Variants in ACOT9 observed in about 807,000 individuals in gnomAD.
ACOT9 encodes acyl-CoA thioesterase 9, also known as acyl-coenzyme A thioesterase 9, mitochondrial.
In ACOT9, 34 loss-of-function variants were observed where a neutral mutation model predicts 39.7. That is an observed-to-expected ratio of 0.86 (90% confidence interval 0.65 to 1.14). ACOT9 has a LOEUF of 1.14. ACOT9 is among the 50% of genes most tolerant of loss of function. The pLI is 0.00. For synonymous variants in ACOT9, 110 were observed against 120.5 expected (o/e 0.91, Z 0.57); for missense variants, 313 against 344.1 (o/e 0.91, Z 0.71).
chrX:23,704,077 G>T (rs1410545589), intron 15 of ACOT9, 95 bp from the exon 16 acceptor site: 47 of 701,138 alleles, frequency 6.7e-5, no homozygotes, highest in Non-Finnish European at 9.9e-5. Flanking sequence ...GGAACACTGG[G>T]ACAGAACAAG....
chrX:23,723,331 G>A (rs185935335), intron 6 of ACOT9, among the ~76,000 whole-genome samples: 213 of 111,308 alleles, frequency 1.9e-3, no homozygotes, highest in African/African-American at 6.2e-3. Flanking sequence ...ATAATTATAC[G>A]TTGGGCCGGG....
intron 9 of ACOT9, among the ~76,000 whole-genome samples, chrX:23,709,053 A>C (rs1928805124): frequency 1.8e-5 from 2 of 112,220 alleles, no homozygotes; most frequent in South Asian, 7.3e-4. Context: ...ATAATATTTC[A>C]CTGTGGTAGA....
intron 8 of ACOT9, among the ~76,000 whole-genome samples, chrX:23,720,055 G>C (rs112302225): frequency 3.6e-4 from 40 of 112,104 alleles, no homozygotes; most frequent in South Asian, 1.5e-3. Flanking sequence ...GGATGGTCTC[G>C]ATCTCCTGAC....
chrX:23,721,735 C>A, intron 8 of ACOT9, 146 bp downstream of exon 8: 1 of 403,840 alleles, frequency 2.5e-6, no homozygotes, highest in Non-Finnish European at 4.2e-6. Context: ...AATAACCCAC[C>A]ATCCATATGA....
intron 8 of ACOT9, 31 bp from the exon 9 acceptor site, chrX:23,713,239 T>C: frequency 9.0e-7 from 1 of 1,116,617 alleles, no homozygotes; most frequent in Non-Finnish European, 1.2e-6. Flanking sequence ...AATGTACATA[T>C]GAGAAATGGA....
rs376686410 is a variant in ACOT9, at chrX:23,705,787, A to G, written c.914T>C (p.Leu305Ser). Residue 305 changes from leucine (L) to serine (S), a missense_variant, in exon 12 of 16, where the codon TTG (leucine) becomes TCG (serine). Coordinates refer to ENST00000379303, the MANE Select transcript of ACOT9 (RefSeq NM_001037171.2). The stretch of plus-strand genomic sequence containing the variant: ...TAATACCTGAGGGTGGCAAATTTCC[A>G]AACTCTTCAGTTTTGAATTCTCCAT... The part of the protein sequence containing the change: ...VWMENSKLKS[L>S]EICHPQERNI... The G allele has an allele frequency of 4.1e-6, 5 of 1,209,446 alleles. No individual in the cohort carries two copies. The highest frequency in any genetic ancestry group is 5.6e-6 in the Non-Finnish European group (5 of 894,409).
At position 23,713,125 on chromosome X, in the gene ACOT9, T is replaced by C. The variant is rs1347041694; in HGVS notation, c.662+10A>G. The C allele has an allele frequency of 1.7e-6, 2 of 1,188,587 alleles. No homozygotes were observed. The highest frequency in any genetic ancestry group is 2.3e-6 in the Non-Finnish European group (2 of 878,782). On this transcript the variant is annotated intron_variant, in intron 9 of 15. Coordinates refer to ENST00000379303, the MANE Select transcript of ACOT9 (RefSeq NM_001037171.2). Reference sequence around the variant, plus strand: ...TTCAAAATAAAGAATTATGAAAAAATAGCAATTACCCTTTATTTTCAGAAT... The same window carrying C: ...TTCAAAATAAAGAATTATGAAAAAACAGCAATTACCCTTTATTTTCAGAAT...
At position 23,735,913 on chromosome X, in the gene ACOT9, G is replaced by A. The variant is rs1218452329; in HGVS notation, c.118+6C>T. 8.3e-7 allele frequency: 1 copy of A among 1,206,065 alleles called. No individual in the cohort carries two copies. Among genetic ancestry groups the A allele is most frequent in the Admixed American group, 2.2e-5 (1 of 45,589 alleles). On this transcript the variant is annotated splice_donor_region_variant and intron_variant, in intron 2 of 15. Coordinates refer to ENST00000379303, the MANE Select transcript of ACOT9 (RefSeq NM_001037171.2). Reference sequence around the variant, plus strand: ...CATAGGCATCAAACAGAGACACCATGCTTGCCTTCATGAATGTGGAAGATT... The same window carrying A: ...CATAGGCATCAAACAGAGACACCATACTTGCCTTCATGAATGTGGAAGATT...
chrX:23,703,788 G>A lies in ACOT9; in HGVS notation c.*106C>T. Reference sequence around the variant, plus strand: ...TAAAGGCTGAATACATCCTCCTCCTGTGTGGAGGACACGAAGCAATACTAA... The same window carrying A: ...TAAAGGCTGAATACATCCTCCTCCTATGTGGAGGACACGAAGCAATACTAA... On this transcript the variant is annotated 3_prime_UTR_variant, in exon 16 of 16. Transcript: ENST00000379303. 1 of 607,741 alleles carries A rather than the reference G, an allele frequency of 1.6e-6. No individual in the cohort carries two copies. Among genetic ancestry groups the A allele is most frequent in the Non-Finnish European group, 2.7e-6 (1 of 374,060 alleles). The allele number at this position is 607,741 out of a possible 1,213,427, so 50.1% of individuals were successfully genotyped here. A position where few individuals can be genotyped will look rare whatever the true frequency, so the allele number is the denominator to read the frequency against.
At chrX:23,735,869 A>C in intron 2 of ACOT9, 50 bp downstream of exon 2, 1 of 1,106,407 alleles carries the variant, frequency 9.0e-7, no homozygotes. Flanking sequence ...AAATAAAAGT[A>C]AAACAAGGTT....
chrX:23,732,498 G>A lies in ACOT9; in HGVS notation c.191+674C>T, dbSNP rs1172292522. On this transcript the variant is annotated intron_variant, in intron 4 of 15. Coordinates refer to ENST00000379303, the MANE Select transcript of ACOT9 (RefSeq NM_001037171.2). ...TAATAAGTATGGAATCCAGGTGGTG[G>A]GTACACAGGTATTCATTCTTTCTAC... is the stretch of plus-strand genomic sequence containing the variant. Among the ~76,000 whole-genome samples, 3 of 111,402 alleles carry A rather than the reference G, an allele frequency of 2.7e-5. No individual in the cohort carries two copies. In the East Asian group the frequency reaches 8.4e-4, roughly 31 times the overall value.
At chrX:23,724,829 C>T (rs762725473) in intron 6 of ACOT9, among the ~76,000 whole-genome samples, 88 of 111,446 alleles carry the variant, frequency 7.9e-4, no homozygotes, top group African/African-American at 2.7e-3. Flanking sequence ...CCCAGCTACT[C>T]AGGAGGCTGA....
intron 3 of ACOT9, among the ~76,000 whole-genome samples, chrX:23,733,738 C>A (rs975364897): frequency 1.0e-5 from 1 of 95,322 alleles, no homozygotes; most frequent in African/African-American, 4.7e-5. Flanking sequence ...TGCCACCACA[C>A]CCGGCTAATT....
In ACOT9 at chrX:23,723,345, G is replaced by A. The variant is rs561289628; in HGVS notation, c.401-592C>T. On this transcript the variant is annotated intron_variant, in intron 6 of 15. Coordinates refer to ENST00000379303, the MANE Select transcript of ACOT9 (RefSeq NM_001037171.2). ...TATAATTATACGTTGGGCCGGGCGC[G>A]GCGGCTCAGCCTGTAATCCCAGCAC... Among the ~76,000 whole-genome samples, 92 of 111,347 alleles carry A rather than the reference G, an allele frequency of 8.3e-4. No homozygotes were observed. The South Asian group carries it at 0.032, about 39-fold the overall frequency.
Position 23,705,509 on chromosome X carries a change from C to T in ACOT9, c.1019G>A (p.Gly340Asp). 1.7e-6 allele frequency: 2 copies of T among 1,201,224 alleles called. No homozygotes were observed. The highest frequency in any genetic ancestry group is 2.2e-6 in the Non-Finnish European group (2 of 889,566). Reference protein sequence around the residue: ...ELAWATACSFGGSRPFVVAVD... With the variant: ...ELAWATACSFDGSRPFVVAVD... ...TAAGGCTGCCTTACATGTAACTCACCCAAAGCTACAAGCAGTAGCCCACGC... is the reference window on the plus strand; with the variant it reads ...TAAGGCTGCCTTACATGTAACTCACTCAAAGCTACAAGCAGTAGCCCACGC... The change falls in exon 13 of 16, where the codon GGT becomes GAT. Residue 340 changes from glycine to aspartate, a missense_variant and splice_region_variant. Transcript: ENST00000379303.
intron 6 of ACOT9, among the ~76,000 whole-genome samples, chrX:23,725,395 C>T (rs766437087): frequency 1.0e-4 from 10 of 99,268 alleles, no homozygotes; most frequent in African/African-American, 3.5e-4. Flanking sequence ...TGCTCGAACT[C>T]GAGAGGCAGA....
Position 23,703,775 on chromosome X carries a change from A to G in ACOT9, c.*119T>C. On this transcript the variant is annotated 3_prime_UTR_variant, in exon 16 of 16. Transcript: ENST00000379303. ...TTTCTGATCATCCTAAAGGCTGAAT[A>G]CATCCTCCTCCTGTGTGGAGGACAC... 1 of 542,095 alleles carries G rather than the reference A, an allele frequency of 1.8e-6. No individual in the cohort carries two copies. The highest frequency in any genetic ancestry group is 3.1e-6 in the Non-Finnish European group (1 of 324,030). 44.7% of individuals were successfully genotyped at this position (542,095 alleles called of 1,213,427 possible). A position where few individuals can be genotyped will look rare whatever the true frequency, so the allele number is the denominator to read the frequency against.
chrX:23,739,640 A>T (rs1392539877), intron 1 of ACOT9, among the ~76,000 whole-genome samples: 2 of 110,959 alleles, frequency 1.8e-5, no homozygotes, highest in Non-Finnish European at 3.8e-5. Context: ...AAAAAATTTT[A>T]AAATATTAGT....
At chrX:23,722,535 G>A in intron 7 of ACOT9, 135 bp downstream of exon 7, 1 of 409,116 alleles carries the variant, frequency 2.4e-6, no homozygotes, top group Non-Finnish European at 4.1e-6. Context: ...TTACACTCCG[G>A]CCTGGGTGAC....
Sources: allele counts gnomAD v4.1 joint callset (sites outside exome capture counted in the v4.1 genomes callset), GRCh38; gene constraint gnomAD v4.1.1; transcripts MANE v1.5; gene names NCBI Gene and HGNC (gene_info 2026-07-23, HGNC 2026-07-21).